The following LIPJ variants were observed in gnomAD, a reference collection of about 807,000 sequenced individuals.
LIPJ encodes lipase member J.
LIPJ carries 33 observed loss-of-function variants against 39.8 expected under a neutral mutation model. The observed-to-expected ratio is 0.83, with a 90% CI of 0.63 to 1.11. LIPJ has a LOEUF of 1.11. Among genes scored for constraint, LIPJ ranks in the 50% least tolerant of loss-of-function variants. LIPJ has a pLI of 0.00. For synonymous variants in LIPJ, 128 were observed against 139.2 expected, an observed-to-expected ratio of 0.92 and a Z score of 0.57; for missense variants, 422 against 427.9, an observed-to-expected ratio of 0.99 and a Z score of 0.12.
the LIPJ span, among the ~76,000 whole-genome samples, chr10:88,621,698 T>C: frequency 1.3e-4 from 20 of 152,154 alleles, no homozygotes; most frequent in African/African-American, 4.3e-4. Flanking sequence ...AAAAAAAAAG[T>C]ATTAGGAGGA....
chr10:88,614,256 T>G, the LIPJ span, among the ~76,000 whole-genome samples: 4 of 152,082 alleles, frequency 2.6e-5, no homozygotes, highest in Non-Finnish European at 5.9e-5. Flanking sequence ...AGAAAATATA[T>G]ATTTTAGATT....
upstream of LIPJ, chr10:88,583,452 G>GC: frequency 1.5e-6 from 2 of 1,333,068 alleles, no homozygotes; most frequent in Non-Finnish European, 1.9e-6. Context: ...GGGGCCGGGC[G>GC]CCCTGCCCCT....
chr10:88,601,527 C>T (rs888127619), intron 8 of LIPJ, among the ~76,000 whole-genome samples: 2 of 152,138 alleles, frequency 1.3e-5, no homozygotes, highest in African/African-American at 4.8e-5. Context: ...GTTTCTTCTG[C>T]CCAGCAAGAC....
In LIPJ at chr10:88,591,372, A is replaced by T. The variant is rs372689754; in HGVS notation, c.10-6A>T. ...ATGCTAAAAGATTTGCTTTTTCTTT[A>T]TCTAGAGCCAGATTATTTCCTACTG... On this transcript the variant is annotated splice_polypyrimidine_tract_variant and splice_region_variant and intron_variant, in intron 3 of 10. Coordinates refer to ENST00000371939, the Ensembl canonical transcript of LIPJ. The T allele has an allele frequency of 2.2e-5, 35 of 1,583,560 alleles. No homozygotes were observed. The African/African-American group carries it at 2.9e-4, about 13-fold the overall frequency.
exon 8 of LIPJ, chr10:88,596,896 T>C: frequency 6.3e-7 from 1 of 1,580,878 alleles, no homozygotes; most frequent in Non-Finnish European, 8.7e-7. Context: ...CTCAATATCT[T>C]GTTTATGATG....
intron 6 of LIPJ, among the ~76,000 whole-genome samples, chr10:88,595,138 G>A (rs1851211945): frequency 6.6e-6 from 1 of 151,738 alleles, no homozygotes; most frequent in Admixed American, 6.6e-5. Flanking sequence ...GATATTATGA[G>A]TGGAAAAGAT....
chr10:88,601,146 C>A (rs903034175), intron 8 of LIPJ, among the ~76,000 whole-genome samples: 12 of 151,790 alleles, frequency 7.9e-5, no homozygotes, highest in Admixed American at 3.3e-4. Flanking sequence ...ATGGGGTTCA[C>A]CATATTGGTC....
rs751804331 is a variant in LIPJ, at chr10:88,605,653, G to C, written c.816G>C (p.Leu272Phe). 17 of 1,610,804 alleles carry C rather than the reference G, an allele frequency of 1.1e-5. 1 individual carries two copies. The South Asian group carries it at 1.8e-4, about 17-fold the overall frequency. ...TTCAGCTTTTAAATTCTACTCATTT[G>C]AAAGCTTATGACTGGGGCAGTCCTG... is the stretch of plus-strand genomic sequence containing the variant. The change falls in exon 10 of 11, where the codon TTG (leucine) becomes TTC (phenylalanine). Residue 272 changes from leucine to phenylalanine, a missense_variant. Transcript: ENST00000371939.
At chr10:88,613,794 ATATATATG>A in the LIPJ span, among the ~76,000 whole-genome samples, 14 of 49,570 alleles carry the variant, frequency 2.8e-4, no homozygotes, top group African/African-American at 1.1e-3. Flanking sequence ...ATATATATAT[ATATATATG>A]TGTGTGTGTG....
chr10:88,583,403 G>C (rs1283833099), upstream of LIPJ: 7 of 1,372,222 alleles, frequency 5.1e-6, no homozygotes, highest in Middle Eastern at 2.7e-4. Flanking sequence ...AGCAAACCTG[G>C]GGCTGCGGAG....
intron 8 of LIPJ, among the ~76,000 whole-genome samples, chr10:88,602,216 TTA>T (rs1322739944): frequency 6.6e-6 from 1 of 152,134 alleles, no homozygotes; most frequent in Admixed American, 6.6e-5. Context: ...TGGGGGTTCT[TTA>T]TTTCTCTCCT....
At chr10:88,620,448 T>C in the LIPJ span, among the ~76,000 whole-genome samples, 1 of 152,122 alleles carries the variant, frequency 6.6e-6, no homozygotes, top group African/African-American at 2.4e-5. Context: ...TTTTTGCAAC[T>C]TTTCTGTGGC....
chr10:88,622,730 C>T, the LIPJ span, among the ~76,000 whole-genome samples: 1 of 152,038 alleles, frequency 6.6e-6, no homozygotes, highest in Non-Finnish European at 1.5e-5. Context: ...CAACACAGTG[C>T]AGGATAATTC....
chr10:88,593,837 T>A (rs1851161253), intron 4 of LIPJ, 109 bp from the exon 5 acceptor site: 1 of 924,374 alleles, frequency 1.1e-6, no homozygotes, highest in Non-Finnish European at 1.6e-6. Flanking sequence ...TGAAAACAAT[T>A]TTTTAAAATC....
rs376658843 is a variant in LIPJ, at chr10:88,593,942, T to C, written c.131-4T>C. ...ATAAAGAACTTTCTACATTTTTTTCTCAGCTCAGAGGGTTGTTGTATACTT... is the reference window on the plus strand; with the variant it reads ...ATAAAGAACTTTCTACATTTTTTTCCCAGCTCAGAGGGTTGTTGTATACTT... On this transcript the variant is annotated splice_region_variant and splice_polypyrimidine_tract_variant and intron_variant, in intron 4 of 10. Transcript: ENST00000371939. The C allele has an allele frequency of 1.9e-6, 3 of 1,592,098 alleles. No individual in the cohort carries two copies. Among genetic ancestry groups the C allele is most frequent in the African/African-American group, 2.7e-5 (2 of 73,816 alleles).
chr10:88,602,771 A>G, intron 9 of LIPJ, 124 bp downstream of exon 9: 1 of 484,594 alleles, frequency 2.1e-6, no homozygotes, highest in Non-Finnish European at 3.4e-6. Flanking sequence ...TGAAATTATT[A>G]TATATTTCTA....
chr10:88,613,800 A>ATATATGTATATATGTGTG, the LIPJ span, among the ~76,000 whole-genome samples: 1 of 74,156 alleles, frequency 1.3e-5, no homozygotes, highest in African/African-American at 4.8e-5. Flanking sequence ...ATATATATAT[A>ATATATGTATATATGTGTG]TGTGTGTGTG....
rs150800218 is a variant in LIPJ, at chr10:88,605,127, T to C, written c.796-506T>C. Among the ~76,000 whole-genome samples the C allele has an allele frequency of 4.1e-4, 63 of 152,256 alleles. No homozygotes were observed. In the South Asian group the frequency reaches 5.2e-3, roughly 13 times the overall value. Reference sequence around the variant, plus strand: ...GATAACATGAAAAAGTTCCTCAGAATTGATCAAAGTGTTAGAAATGTCAAG... The same window carrying C: ...GATAACATGAAAAAGTTCCTCAGAACTGATCAAAGTGTTAGAAATGTCAAG... On this transcript the variant is annotated intron_variant, in intron 9 of 10. Transcript: ENST00000371939.
exon 11 of LIPJ, chr10:88,606,920 C>T (rs1384839540): frequency 1.4e-6 from 2 of 1,474,630 alleles, no homozygotes; most frequent in African/African-American, 2.8e-5. Context: ...AACCATGGCG[C>T]TGTGTGTTTA....
Sources: allele counts gnomAD v4.1 joint callset (sites outside exome capture counted in the v4.1 genomes callset), GRCh38; gene constraint gnomAD v4.1.1; transcripts MANE v1.5; gene names NCBI Gene and HGNC (gene_info 2026-07-23, HGNC 2026-07-21).